PEPD: variants seen among roughly 807,000 people sequenced by gnomAD.
The protein encoded by PEPD is peptidase D, also known as xaa-Pro dipeptidase.
In PEPD, 53 loss-of-function variants were observed where a neutral mutation model predicts 60.7. That is an observed-to-expected ratio of 0.87 (90% CI 0.70 to 1.10). The LOEUF (loss-of-function observed/expected upper bound fraction) is 1.10, where lower values mean the gene tolerates loss of function less well. Ranked by LOEUF, PEPD falls within the 50% of genes least tolerant of loss-of-function variation. PEPD has a pLI of 0.00. For missense variants in PEPD, 711 were observed against 711.9 expected (o/e 1.00, Z 0.01); for synonymous variants, 267 against 284.1 (o/e 0.94, Z 0.60).
chr19:33,398,585 C>T (rs1968419383), intron 12 of PEPD, among the ~76,000 whole-genome samples: 1 of 152,246 alleles, frequency 6.6e-6, no homozygotes, highest in African/African-American at 2.4e-5. Context: ...CGCTCACCTG[C>T]CAAATCCTCC....
chr19:33,411,834 C>A, intron 10 of PEPD, 85 bp from the exon 11 acceptor site: 2 of 816,916 alleles, frequency 2.4e-6, no homozygotes, highest in Non-Finnish European at 2.1e-6. Context: ...ATCCCCTGCC[C>A]ATGAGCAGCA....
Position 33,511,159 on chromosome 19 carries a change from T to C in PEPD, c.202-4A>G. On this transcript the variant is annotated splice_region_variant and splice_polypyrimidine_tract_variant and intron_variant, in intron 2 of 14. Transcript: ENST00000244137. ...ACGCCCAGTGAAAGAAGGACTCCTG[T>C]GGCGGGAACAAGAACTATTGTTAGC... 1 of 1,613,964 alleles carries C rather than the reference T, an allele frequency of 6.2e-7. No individual in the cohort carries two copies.
In PEPD at chr19:33,407,960, G is replaced by A. The variant is rs537466061; in HGVS notation, c.818+3712C>T. ...GGGTGGCTGGCTGGGGGTGAGGGAC[G>A]GCCCTCAGGAAGTCTGTCTCAGTCC... On this transcript the variant is annotated intron_variant, in intron 11 of 14. Transcript: ENST00000244137. 1.7e-4 allele frequency among the ~76,000 whole-genome samples: 26 copies of A among 152,304 alleles called. No individual in the cohort carries two copies. The East Asian group carries it at 3.5e-3, about 20-fold the overall frequency.
intron 11 of PEPD, among the ~76,000 whole-genome samples, chr19:33,402,904 G>A (rs762416920): frequency 2.5e-4 from 38 of 152,174 alleles, no homozygotes; most frequent in Non-Finnish European, 5.0e-4. Flanking sequence ...GCTGCCCTCT[G>A]GATGCCCTGT....
intron 9 of PEPD, among the ~76,000 whole-genome samples, chr19:33,440,153 C>A (rs777878964): frequency 1.2e-4 from 18 of 152,176 alleles, no homozygotes; most frequent in Non-Finnish European, 2.4e-4. Context: ...AGATGCTCTT[C>A]TGTTCATCCC....
intron 9 of PEPD, among the ~76,000 whole-genome samples, chr19:33,416,460 G>T (rs1030992728): frequency 1.3e-5 from 2 of 152,190 alleles, no homozygotes; most frequent in African/African-American, 4.8e-5. Context: ...ATCTCCATAG[G>T]CTCCTTCCAT....
chr19:33,492,439 G>T (rs1156555393), intron 5 of PEPD, among the ~76,000 whole-genome samples: 1 of 152,042 alleles, frequency 6.6e-6, no homozygotes, highest in Non-Finnish European at 1.5e-5. Flanking sequence ...ATACATTTAT[G>T]GGGTACCTGA....
At chr19:33,460,484 G>A (rs1467602383) in intron 9 of PEPD, among the ~76,000 whole-genome samples, 1 of 152,110 alleles carries the variant, frequency 6.6e-6, no homozygotes, top group Non-Finnish European at 1.5e-5. Context: ...ACTTTCCCCA[G>A]ACACCCATCT....
chr19:33,390,629 C>T lies in PEPD; in HGVS notation c.1152+666G>A, dbSNP rs538897562. 1.3e-3 allele frequency among the ~76,000 whole-genome samples: 205 copies of T among 152,322 alleles called. 1 individual carries two copies. The highest frequency in any genetic ancestry group is 1.9e-3 in the South Asian group (9 of 4,830). On this transcript the variant is annotated intron_variant, in intron 13 of 14. Coordinates refer to ENST00000244137, the MANE Select transcript of PEPD (RefSeq NM_000285.4). Reference sequence around the variant, plus strand: ...CGCCCCAGCCGCCCAGCCGAGAGGCCGTAGCCACCTGCCCGGTTGGGCCTC... The same window carrying T: ...CGCCCCAGCCGCCCAGCCGAGAGGCTGTAGCCACCTGCCCGGTTGGGCCTC...
At chr19:33,493,736 T>C (rs531332161) in intron 4 of PEPD, among the ~76,000 whole-genome samples, 1 of 151,986 alleles carries the variant, frequency 6.6e-6, no homozygotes, top group South Asian at 2.1e-4. Context: ...CAGCCTCTGG[T>C]TCCTAGGGCA....
At chr19:33,472,210 C>T (rs1250410540) in intron 7 of PEPD, among the ~76,000 whole-genome samples, 3 of 151,088 alleles carry the variant, frequency 2.0e-5, no homozygotes, top group African/African-American at 7.3e-5. Context: ...CACCTGTAGT[C>T]TCAGCTACTC....
intron 2 of PEPD, 35 bp downstream of exon 2, chr19:33,512,558 C>T (rs1373772930): frequency 3.7e-6 from 6 of 1,603,064 alleles, no homozygotes; most frequent in Non-Finnish European, 5.1e-6. Flanking sequence ...CACCATCACA[C>T]ACCTGCTCAC....
At chr19:33,421,061 C>G (rs958219235) in intron 9 of PEPD, among the ~76,000 whole-genome samples, 1 of 152,234 alleles carries the variant, frequency 6.6e-6, no homozygotes, top group Admixed American at 6.5e-5. Flanking sequence ...CGGTGTTCTA[C>G]TGCGGGGGTG....
chr19:33,410,726 A>T (rs1370734102), intron 11 of PEPD, among the ~76,000 whole-genome samples: 1 of 152,158 alleles, frequency 6.6e-6, no homozygotes, highest in African/African-American at 2.4e-5. Context: ...GCCATAGAAG[A>T]AAGGGCACCA....
chr19:33,407,783 G>GA (rs1968666103), intron 11 of PEPD, among the ~76,000 whole-genome samples: 1 of 152,226 alleles, frequency 6.6e-6, no homozygotes, highest in South Asian at 2.1e-4. Context: ...AAAACCCCCG[G>GA]AGGCTTGACG....
chr19:33,482,805 C>T (rs1970332606), intron 6 of PEPD, among the ~76,000 whole-genome samples: 1 of 152,108 alleles, frequency 6.6e-6, no homozygotes. Flanking sequence ...TGGTACGTAT[C>T]CATAGAAAAA....
intron 3 of PEPD, among the ~76,000 whole-genome samples, chr19:33,502,538 A>T (rs1047374145): frequency 3.9e-5 from 6 of 152,162 alleles, no homozygotes; most frequent in African/African-American, 1.4e-4. Context: ...TTTGAGGCAG[A>T]TGGGAAATTG....
In PEPD at chr19:33,387,011, T is replaced by C. The variant is rs1968083493; in HGVS notation, c.*333A>G. The stretch of plus-strand genomic sequence containing the variant: ...CTGCATATTGATTTTTGACAGAAAG[T>C]ATCAGAAATGCTTCTTTCCTGGGAA... On this transcript the variant is annotated 3_prime_UTR_variant, in exon 15 of 15. Transcript: ENST00000244137. 2 of 355,736 alleles carry C rather than the reference T, an allele frequency of 5.6e-6. No homozygotes were observed. The highest frequency in any genetic ancestry group is 4.4e-5 in the Admixed American group (1 of 22,590). 22.0% of individuals were successfully genotyped at this position (355,736 alleles called of 1,614,324 possible).
chr19:33,417,586 C>T (rs1240169883), intron 9 of PEPD, among the ~76,000 whole-genome samples: 1 of 152,126 alleles, frequency 6.6e-6, no homozygotes, highest in African/African-American at 2.4e-5. Flanking sequence ...GCGGTGCCTC[C>T]CTCCCAGGGC....
Sources: allele counts gnomAD v4.1 joint callset (sites outside exome capture counted in the v4.1 genomes callset), GRCh38; gene constraint gnomAD v4.1.1; transcripts MANE v1.5; gene names NCBI Gene and HGNC (gene_info 2026-07-23, HGNC 2026-07-21).